The following IP6K2 variants were observed in gnomAD, a reference collection of about 807,000 sequenced individuals.
IP6K2 encodes the protein ATP:1D-myo-inositol-hexakisphosphate phosphotransferase.
Under a neutral mutation model 43.3 loss-of-function variants are expected in IP6K2, and 9 were observed. That is an observed-to-expected ratio of 0.21 (90% CI 0.13 to 0.36). The LOEUF (loss-of-function observed/expected upper bound fraction) is 0.36. Ranked by LOEUF, IP6K2 falls within the 10% of genes least tolerant of loss-of-function variation. The pLI is 1.00. For missense variants in IP6K2, 332 were observed against 538.4 expected (o/e 0.62, Z 3.79); for synonymous variants, 209 against 202.4 (o/e 1.03, Z -0.28).
chr3:48,711,394 G>GT, intron 1 of IP6K2: 1 of 152,336 alleles, frequency 6.6e-6, no homozygotes, highest in South Asian at 2.1e-4. Context: ...TGAGACCCTG[G>GT]AAGTTGCTGT....
chr3:48,693,909 C>A, intron 2 of IP6K2: 1 of 1,284,904 alleles, frequency 7.8e-7, no homozygotes, highest in Non-Finnish European at 9.8e-7. Context: ...GTCTCTAGAA[C>A]CTGCCATGAG....
chr3:48,688,421 T>A lies in IP6K2; in HGVS notation c.1133A>T (p.Asp378Val). 1 of 1,614,166 alleles carries A rather than the reference T, an allele frequency of 6.2e-7. No homozygotes were observed. Among genetic ancestry groups the A allele is most frequent in the African/African-American group, 1.3e-5 (1 of 75,048 alleles). ...AYKPIGASSV[D>V]VRMIDFAHTT... ...GTGTGCAAAGTCGATCATGCGCACATCTACAGAGCTGGCGCCGATGGGTTT... is the reference window on the plus strand; with the variant it reads ...GTGTGCAAAGTCGATCATGCGCACAACTACAGAGCTGGCGCCGATGGGTTT... Residue 378 changes from aspartate to valine, a missense_variant, in exon 6 of 6, where the codon GAT becomes GTT. Physicochemically the swap from Asp to Val is radical, Grantham distance 152. Transcript: ENST00000328631. The surrounding 1 kb of genome is among the most constrained non-coding windows in gnomAD (Gnocchi z 5.1).
rs1202434734 is a variant in IP6K2 at position 48,688,570 on chromosome 3, T to C, written c.984A>G (p.Ser328=). 6.2e-7 allele frequency: 1 copy of C among 1,614,056 alleles called. No individual in the cohort carries two copies. Among genetic ancestry groups the C allele is most frequent in the Non-Finnish European group, 8.5e-7 (1 of 1,180,044 alleles). ...CATCATAAATGACCAGCAGGGAGCT[T>C]GAGTAGAAGCGGTAGGACTCCTGTC... The part of the protein sequence containing the change: ...LERQESYRFY[S]SSLLVIYDGK... Residue 328 remains serine (S), a synonymous_variant, in exon 6 of 6, where the codon TCA becomes TCG. Transcript: ENST00000328631. This position sits in a 1 kb window ranked among gnomAD's most constrained non-coding sequence, Gnocchi z 5.1.
chr3:48,694,169 G>T lies in IP6K2; in HGVS notation c.202+921C>A, dbSNP rs111512037. The T allele has an allele frequency of 7.1e-6, 11 of 1,549,684 alleles. No homozygotes were observed. In the Admixed American group the frequency reaches 2.2e-4, roughly 31 times the overall value. ...GGTATTCAGGCCACACTTCCCTGTG[G>T]CCACAGGGGAAAGGACCAGGGGAAA... On this transcript the variant is annotated intron_variant, in intron 2 of 5. Transcript: ENST00000328631.
chr3:48,694,789 A>G (rs1195299821), intron 2 of IP6K2: 1 of 1,535,452 alleles, frequency 6.5e-7, no homozygotes, highest in East Asian at 2.4e-5. Context: ...CCGTCCCCCC[A>G]GTGGGGGACT....
At chr3:48,715,649 T>C in intron 1 of IP6K2, 2 of 586,578 alleles carry the variant, frequency 3.4e-6, no homozygotes, top group Non-Finnish European at 6.0e-6. Context: ...AACAAAAAGC[T>C]AGTTTCTACA....
chr3:48,694,198 TG>T (rs1423309961), intron 2 of IP6K2: 1 of 1,550,716 alleles, frequency 6.4e-7, no homozygotes, highest in Admixed American at 2.0e-5. Flanking sequence ...GGGGAAAAAA[TG>T]GGGCAGGGAT....
chr3:48,691,167 T>C, intron 4 of IP6K2, 140 bp downstream of exon 4: 3 of 696,304 alleles, frequency 4.3e-6, no homozygotes, highest in East Asian at 5.1e-5. Flanking sequence ...ATAATTATCA[T>C]ACAGGTCCTG....
chr3:48,711,469 A>G (rs949760197), intron 1 of IP6K2: 2 of 152,226 alleles, frequency 1.3e-5, no homozygotes, highest in Non-Finnish European at 2.9e-5. Flanking sequence ...CCTGAGGAAG[A>G]GACAGACACT....
At chr3:48,712,667 G>C (rs534203394) in intron 1 of IP6K2, among the ~76,000 whole-genome samples, 2 of 152,238 alleles carry the variant, frequency 1.3e-5, no homozygotes, top group East Asian at 3.9e-4. Flanking sequence ...AGCGAGCTAT[G>C]ATCGCTGCAC....
intron 1 of IP6K2, among the ~76,000 whole-genome samples, chr3:48,714,217 C>G (rs911353559): frequency 6.6e-6 from 1 of 152,150 alleles, no homozygotes; most frequent in Admixed American, 6.5e-5. Context: ...GAGGATCCTG[C>G]CACCACACCC....
chr3:48,699,054 C>A (rs2078728993), intron 1 of IP6K2, among the ~76,000 whole-genome samples: 1 of 152,190 alleles, frequency 6.6e-6, no homozygotes, highest in South Asian at 2.1e-4. Flanking sequence ...TCTTACCCAT[C>A]CCCACCTCCA....
At chr3:48,705,170 CTT>C (rs1559547975) in intron 1 of IP6K2, among the ~76,000 whole-genome samples, 1 of 151,292 alleles carries the variant, frequency 6.6e-6, no homozygotes, top group Non-Finnish European at 1.5e-5. Context: ...GTCTCAATCT[CTT>C]GACCTCGTGA....
At chr3:48,705,847 TAAAAATAAAAAATA>T (rs1026644998) in intron 1 of IP6K2, among the ~76,000 whole-genome samples, 1 of 103,768 alleles carries the variant, frequency 9.6e-6, no homozygotes, top group African/African-American at 3.6e-5. Flanking sequence ...TACCAAAAAA[TAAAAATAAAAAATA>T]AAAAATAAAA....
rs1312074322 is a variant in IP6K2, at chr3:48,706,063, C to T, written c.-130-10642G>A. 2.6e-5 allele frequency among the ~76,000 whole-genome samples: 4 copies of T among 151,556 alleles called. No homozygotes were observed. In the East Asian group the frequency reaches 5.8e-4, roughly 22 times the overall value. On this transcript the variant is annotated intron_variant, in intron 1 of 5. Transcript: ENST00000328631. ...TCTACTAAAAATACAAAAAATTAGC[C>T]GTGCATGGTGGTGGGCGCCTATATT...
rs749323565 is a variant in IP6K2 at position 48,688,543 on chromosome 3, G to C, written c.1011C>G (p.Gly337=). ...YSSSLLVIYD[G]KERPEVVLDS... ...CCAGGACCACTTCGGGCCGCTCCTTGCCATCATAAATGACCAGCAGGGAGC... is the reference window on the plus strand; with the variant it reads ...CCAGGACCACTTCGGGCCGCTCCTTCCCATCATAAATGACCAGCAGGGAGC... Residue 337 remains glycine, a synonymous_variant, in exon 6 of 6, where the codon GGC becomes GGG. Coordinates refer to ENST00000328631, the MANE Select transcript of IP6K2 (RefSeq NM_016291.4). The surrounding 1 kb of genome is among the most constrained non-coding windows in gnomAD (Gnocchi z 5.1). The C allele has an allele frequency of 3.7e-6, 6 of 1,614,180 alleles. No individual in the cohort carries two copies. The Admixed American group carries it at 5.0e-5, about 13-fold the overall frequency.
chr3:48,697,121 C>T (rs531108568), intron 1 of IP6K2, among the ~76,000 whole-genome samples: 4 of 151,428 alleles, frequency 2.6e-5, no homozygotes, highest in Middle Eastern at 6.8e-3. Context: ...CCCAGGTTCA[C>T]GTCATTCTCC....
intron 1 of IP6K2, among the ~76,000 whole-genome samples, chr3:48,706,884 A>T (rs936665900): frequency 1.3e-5 from 2 of 152,194 alleles, no homozygotes; most frequent in Admixed American, 1.3e-4. Flanking sequence ...TAAGTACTAT[A>T]GAACTTTCTT....
chr3:48,715,400 G>A (rs1234344223), intron 1 of IP6K2: 2 of 1,536,200 alleles, frequency 1.3e-6, no homozygotes, highest in East Asian at 2.4e-5. Flanking sequence ...GAAGGCTCTG[G>A]CATCCCTCTT....
Sources: allele counts gnomAD v4.1 joint callset (sites outside exome capture counted in the v4.1 genomes callset), GRCh38; gene constraint gnomAD v4.1.1; non-coding constraint Gnocchi (gnomAD v3.1); transcripts MANE v1.5; gene names NCBI Gene and HGNC (gene_info 2026-07-23, HGNC 2026-07-21).